Variants in FGA observed in about 807,000 individuals in gnomAD.
The protein encoded by FGA is fibrinogen, A alpha polypeptide.
Under a neutral mutation model 20.3 loss-of-function variants are expected in FGA, and 20 were observed. That is an observed-to-expected ratio of 0.99 (90% CI 0.69 to 1.43). The LOEUF (loss-of-function observed/expected upper bound fraction) is 1.43, where lower values mean the gene tolerates loss of function less well. Among genes scored for constraint, FGA ranks in the 40% most tolerant of loss-of-function variants. The probability of loss-of-function intolerance (pLI) is 0.00; values close to 1 mark genes in which losing one functional copy is unlikely to be tolerated. For synonymous variants in FGA, 306 were observed against 281.6 expected, an observed-to-expected ratio of 1.09 and a Z score of -0.87; for missense variants, 777 against 784.7, an observed-to-expected ratio of 0.99 and a Z score of 0.12.
At position 154,585,599 on chromosome 4, in the gene FGA, T is replaced by G; in HGVS notation, c.1830A>C (p.Glu610Asp). The change falls in exon 5 of 5, where the codon GAA becomes GAC. Residue 610 changes from glutamate (E) to aspartate (D), a missense_variant. By Grantham distance (45) the Glu-to-Asp change is conservative. Transcript: ENST00000403106. ...TGCTATGTGTTCCTTCATGATCGGC[T>G]TCACTTCCGGCCTCATCTGCCATTT... Reference protein sequence around the residue: ...SYKMADEAGSEADHEGTHSTK... With the variant: ...SYKMADEAGSDADHEGTHSTK... 1 of 1,614,196 alleles carries G rather than the reference T, an allele frequency of 6.2e-7. No homozygotes were observed.
rs1334198936 is a variant in FGA at position 154,586,320 on chromosome 4, G to A, written c.1109C>T (p.Ala370Val). 3.1e-6 allele frequency: 5 copies of A among 1,614,098 alleles called. No homozygotes were observed. In the East Asian group the frequency reaches 1.1e-4, roughly 36 times the overall value. The change falls in exon 5 of 5, where the codon GCT (alanine) becomes GTT (valine). Residue 370 changes from alanine (A) to valine (V), a missense_variant. Transcript: ENST00000403106. ...AGAGCTCTCAGAGGTCCAGTGCCCA[G>A]CACTTCCGCGTTCAGAGCTGCCAGG... ...WNPGSSERGSAGHWTSESSVS... is the reference protein window; with the variant it reads ...WNPGSSERGSVGHWTSESSVS...
downstream of FGA, chr4:154,583,279 T>G (rs574487562): frequency 1.3e-5 from 2 of 152,356 alleles, no homozygotes; most frequent in East Asian, 3.9e-4. Context: ...GAATTTTGAA[T>G]ATAGCATAGA....
At chr4:154,589,190 A>T (rs532558725) in intron 2 of FGA, among the ~76,000 whole-genome samples, 1 of 152,306 alleles carries the variant, frequency 6.6e-6, no homozygotes, top group South Asian at 2.1e-4. Flanking sequence ...TGAGGCCACA[A>T]TACTCAGGAG....
downstream of FGA, chr4:154,584,092 A>AGACAGAGTGCTCCCATTCCCACTTCGAG: frequency 6.5e-7 from 1 of 1,543,566 alleles, no homozygotes; most frequent in Non-Finnish European, 9.0e-7. Context: ...CTAGCAAAGA[A>AGACAGAGTGCTCCCATTCCCACTTCGAG]GACAGAGTGC....
At position 154,586,580 on chromosome 4, in the gene FGA, C is replaced by G; in HGVS notation, c.849G>C (p.Thr283=). The change falls in exon 5 of 5, where the codon ACG becomes ACC. Residue 283 remains threonine, a synonymous_variant. Transcript: ENST00000403106. ...CACTGCTAGGGTTCCTGGGGCTTTC[C>G]GTCTCTGATCCGGTTCCATAAGAGG... The part of the protein sequence containing the change: ...GSTSYGTGSE[T]ESPRNPSSAG... 1 of 1,614,086 alleles carries G rather than the reference C, an allele frequency of 6.2e-7. No homozygotes were observed. Among genetic ancestry groups the G allele is most frequent in the South Asian group, 1.1e-5 (1 of 91,068 alleles).
In FGA at chr4:154,587,408, T is replaced by C; in HGVS notation, c.510+104A>G. 4 of 1,078,794 alleles carry C rather than the reference T, an allele frequency of 3.7e-6. No individual in the cohort carries two copies. The South Asian group carries it at 5.1e-5, about 14-fold the overall frequency. The allele number at this position is 1,078,794 out of a possible 1,614,324, so 66.8% of individuals were successfully genotyped here. A position where few individuals can be genotyped will look rare whatever the true frequency, so the allele number is the denominator to read the frequency against. On this transcript the variant is annotated intron_variant, in intron 4 of 4. Coordinates refer to ENST00000403106, the MANE Select transcript of FGA (RefSeq NM_021871.4). ...CCTACTTTTAGGTAGATGATGGATA[T>C]AACACTTTTCTCTGCATATAGTAGA...
At chr4:154,587,744 G>GGAGAAA in intron 3 of FGA, 87 bp from the exon 4 acceptor site, 2 of 513,324 alleles carry the variant, frequency 3.9e-6, no homozygotes, top group Non-Finnish European at 6.3e-6. Context: ...AAGGAAGGAA[G>GGAGAAA]GAGAAAGAAA....
intron 3 of FGA, among the ~76,000 whole-genome samples, chr4:154,588,556 A>G (rs1291932327): frequency 6.6e-6 from 1 of 152,190 alleles, no homozygotes; most frequent in Non-Finnish European, 1.5e-5. Flanking sequence ...CTTGTTTTTA[A>G]TCCAAAATTC....
In FGA at chr4:154,585,630, C is replaced by T. The variant is rs1730688206; in HGVS notation, c.1799G>A (p.Ser600Asn). 1 of 1,614,048 alleles carries T rather than the reference C, an allele frequency of 6.2e-7. No individual in the cohort carries two copies. The highest frequency in any genetic ancestry group is 1.7e-5 in the Admixed American group (1 of 60,004). ...NRGDSTFESK[S>N]YKMADEAGSE... ...TCCGGCCTCATCTGCCATTTTATAGCTCTTGCTTTCAAATGTGGAGTCTCC... is the reference window on the plus strand; with the variant it reads ...TCCGGCCTCATCTGCCATTTTATAGTTCTTGCTTTCAAATGTGGAGTCTCC... The change falls in exon 5 of 5, where the codon AGC becomes AAC. Residue 600 changes from serine to asparagine, a missense_variant. Transcript: ENST00000403106.
In FGA at chr4:154,585,953, G is replaced by C. The variant is rs770708951; in HGVS notation, c.1476C>G (p.Pro492=). 1.2e-6 allele frequency: 2 copies of C among 1,613,992 alleles called. No individual in the cohort carries two copies. The highest frequency in any genetic ancestry group is 1.7e-6 in the Non-Finnish European group (2 of 1,180,008). The change falls in exon 5 of 5, where the codon CCC becomes CCG. Residue 492 remains proline, a synonymous_variant. Transcript: ENST00000403106. The stretch of plus-strand genomic sequence containing the variant: ...ACAATGTGCCTAAATCCATTGCCTC[G>C]GGACAGTCAGAACCATCTTCGGAGG... ...VVTSEDGSDC[P]EAMDLGTLSG...
intron 3 of FGA, among the ~76,000 whole-genome samples, chr4:154,588,341 G>A (rs976636137): frequency 6.6e-6 from 1 of 152,140 alleles, no homozygotes; most frequent in African/African-American, 2.4e-5. Context: ...TGAGAATGAC[G>A]TAGCTTGACC....
At position 154,590,669 on chromosome 4, in the gene FGA, C is replaced by G. The variant is rs184672247; in HGVS notation, c.19G>C (p.Val7Leu). The change falls in exon 1 of 5, where the codon GTC becomes CTC. Residue 7 changes from valine to leucine, a missense_variant. By Grantham distance (32) the Val-to-Leu change is conservative. Coordinates refer to ENST00000403106, the MANE Select transcript of FGA (RefSeq NM_021871.4). ...CCCACCACACTTAGGACCAGGCAGA[C>G]GATCCTCATGGAAAACATCTTTTCT... The part of the protein sequence containing the change: MFSMRI[V>L]CLVLSVVGTA... 6.4e-7 allele frequency: 1 copy of G among 1,558,032 alleles called. No homozygotes were observed. Among genetic ancestry groups the G allele is most frequent in the Non-Finnish European group, 8.7e-7 (1 of 1,150,118 alleles).
rs768929189 is a variant in FGA at position 154,589,561 on chromosome 4, G to T, written c.56C>A (p.Thr19Asn). Residue 19 changes from threonine to asparagine, a missense_variant and splice_region_variant, in exon 2 of 5, where the codon ACT becomes AAT. By Grantham distance (65) the Thr-to-Asn change is moderately conservative. Transcript: ENST00000403106. ...LVLSVVGTAW[T>N]ADSGEGDFLA... ...AAAGTCACCTTCACCACTATCTGCA[G>T]TCTTTAAAGATTCATTCACATACAC... 1 of 1,612,982 alleles carries T rather than the reference G, an allele frequency of 6.2e-7. No individual in the cohort carries two copies. The highest frequency in any genetic ancestry group is 8.5e-7 in the Non-Finnish European group (1 of 1,179,960).
chr4:154,590,683 A>G lies in FGA; in HGVS notation c.5T>C (p.Phe2Ser), dbSNP rs1227975411. 3.2e-6 allele frequency: 5 copies of G among 1,556,164 alleles called. No homozygotes were observed. In the African/African-American group the frequency reaches 4.1e-5, roughly 13 times the overall value. ...GACCAGGCAGACGATCCTCATGGAA[A>G]ACATCTTTTCTAAGGGTGGGGCTGG... M[F>S]SMRIVCLVLS... The change falls in exon 1 of 5, where the codon TTT becomes TCT. Residue 2 changes from phenylalanine to serine, a missense_variant. Physicochemically the swap from Phe to Ser is radical, Grantham distance 155 (BLOSUM62 -2). Transcript: ENST00000403106.
chr4:154,584,519 C>T, downstream of FGA: 4 of 1,614,180 alleles, frequency 2.5e-6, no homozygotes, highest in Non-Finnish European at 3.4e-6. Flanking sequence ...TCTGCATAAG[C>T]TTCATTCCCA....
chr4:154,585,465 G>T lies in FGA; in HGVS notation c.*29C>A. The T allele has an allele frequency of 7.0e-7, 1 of 1,427,796 alleles. No individual in the cohort carries two copies. Among genetic ancestry groups the T allele is most frequent in the Non-Finnish European group, 9.9e-7 (1 of 1,011,954 alleles). 88.4% of individuals were successfully genotyped at this position (1,427,796 alleles called of 1,614,324 possible). On this transcript the variant is annotated 3_prime_UTR_variant, in exon 5 of 5. Coordinates refer to ENST00000403106, the MANE Select transcript of FGA (RefSeq NM_021871.4). Reference sequence around the variant, plus strand: ...AAGAAGGAAATGCAAGGGGCCATGGGAACACTGTGCAGAAATATTTAACTT... The same window carrying T: ...AAGAAGGAAATGCAAGGGGCCATGGTAACACTGTGCAGAAATATTTAACTT...
At position 154,586,420 on chromosome 4, in the gene FGA, C is replaced by A; in HGVS notation, c.1009G>T (p.Gly337Trp). 1 of 1,611,606 alleles carries A rather than the reference C, an allele frequency of 6.2e-7. No individual in the cohort carries two copies. The highest frequency in any genetic ancestry group is 1.3e-5 in the African/African-American group (1 of 74,900). ...CCAGTACTTCCAGTTCCAGAGCTCC[C>A]AGAGTTCCAGCTTCCAGTACTTCCA... ...GPGSTGSWNS[G>W]SSGTGSTGNQ... The change falls in exon 5 of 5, where the codon GGG (glycine) becomes TGG (tryptophan). Residue 337 changes from glycine (G) to tryptophan (W), a missense_variant. Physicochemically the swap from Gly to Trp is radical, Grantham distance 184. Coordinates refer to ENST00000403106, the MANE Select transcript of FGA (RefSeq NM_021871.4).
rs1730684063 is a variant in FGA at position 154,585,531 on chromosome 4, T to G, written c.1898A>C (p.His633Pro). 3 of 1,613,518 alleles carry G rather than the reference T, an allele frequency of 1.9e-6. No individual in the cohort carries two copies. The highest frequency in any genetic ancestry group is 2.5e-6 in the Non-Finnish European group (3 of 1,179,460). Residue 633 changes from histidine (H) to proline (P), a missense_variant, in exon 5 of 5, where the codon CAC becomes CCC. Transcript: ENST00000403106. The part of the protein sequence containing the change: ...HAKSRPVRGI[H>P]TSPLGKPSLS... ...GGAAGGCTTCCCCAAAGGAGAAGTG[T>G]GGATACCTCTGACAGGGCGAGATTT...
In FGA at chr4:154,586,099, T is replaced by C. The variant is rs760305794; in HGVS notation, c.1330A>G (p.Thr444Ala). 3.7e-6 allele frequency: 6 copies of C among 1,614,052 alleles called. No homozygotes were observed. In the African/African-American group the frequency reaches 6.7e-5, roughly 18 times the overall value. ...CCAGAGGTGACCTTCTCTTTACCAG[T>C]CCTGAGCTCTTTATCTCCTTTAGAA... ...VTSKGDKELRTGKEKVTSGST... is the reference protein window; with the variant it reads ...VTSKGDKELRAGKEKVTSGST... The change falls in exon 5 of 5, where the codon ACT becomes GCT. Residue 444 changes from threonine to alanine, a missense_variant. Transcript: ENST00000403106.
Sources: allele counts gnomAD v4.1 joint callset (sites outside exome capture counted in the v4.1 genomes callset), GRCh38; gene constraint gnomAD v4.1.1; transcripts MANE v1.5; gene names NCBI Gene and HGNC (gene_info 2026-07-23, HGNC 2026-07-21).